Variants in KIF15 observed in about 807,000 individuals in gnomAD.
The protein encoded by KIF15 is kinesin family member 15, also known as kinesin-like protein KIF15.
Under a neutral mutation model 190.6 loss-of-function variants are expected in KIF15, and 140 were observed. That is an observed-to-expected ratio of 0.73 (90% confidence interval 0.64 to 0.84). The LOEUF (loss-of-function observed/expected upper bound fraction) is 0.84, where lower values mean the gene tolerates loss of function less well. KIF15 is among the 40% of genes least tolerant of loss of function. The probability of loss-of-function intolerance (pLI) is 0.00; values close to 1 mark genes in which losing one functional copy is unlikely to be tolerated. For synonymous variants in KIF15, 528 were observed against 551.3 expected (o/e 0.96, Z 0.59); for missense variants, 1,372 against 1,584.4 (o/e 0.87, Z 2.28).
chr3:44,764,151 C>G (rs775990569), intron 1 of KIF15, among the ~76,000 whole-genome samples: 18 of 152,154 alleles, frequency 1.2e-4, no homozygotes, highest in Non-Finnish European at 2.5e-4. Flanking sequence ...GGGCACAAAT[C>G]TTAATATTAT....
chr3:44,834,546 G>T (rs114101152), intron 26 of KIF15, among the ~76,000 whole-genome samples: 1 of 152,146 alleles, frequency 6.6e-6, no homozygotes, highest in African/African-American at 2.4e-5. Context: ...GTGTTAAAAC[G>T]TTAGGAGAGA....
At chr3:44,838,486 G>A (rs1269172486) in intron 27 of KIF15, 65 bp downstream of exon 27, 1 of 1,519,018 alleles carries the variant, frequency 6.6e-7, no homozygotes, top group East Asian at 2.3e-5. Context: ...GCTCACTCCT[G>A]TAATCCCAGC....
At chr3:44,781,386 G>A (rs569891690) in intron 5 of KIF15, among the ~76,000 whole-genome samples, 217 of 152,160 alleles carry the variant, frequency 1.4e-3, no homozygotes, top group Non-Finnish European at 2.4e-3. Flanking sequence ...ATTCACTCAT[G>A]TTGTTGCATG....
chr3:44,768,638 G>C (rs1419756617), intron 1 of KIF15, among the ~76,000 whole-genome samples: 2 of 152,256 alleles, frequency 1.3e-5, no homozygotes, highest in East Asian at 3.9e-4. Context: ...GCTGTCTCCT[G>C]TCTCTATCAT....
At chr3:44,855,323 A>G (rs1699178278), downstream of KIF15, among the ~76,000 whole-genome samples, 1 of 152,198 alleles carries the variant, frequency 6.6e-6, no homozygotes, top group Admixed American at 6.5e-5. Context: ...AAGTACATTG[A>G]TCAGTTAGGG....
intron 3 of KIF15, among the ~76,000 whole-genome samples, chr3:44,777,458 T>C (rs1360446277): frequency 2.0e-5 from 3 of 151,148 alleles, no homozygotes; most frequent in Admixed American, 6.6e-5. Flanking sequence ...CTTTGGGAGG[T>C]GGAGGTGGGC....
chr3:44,825,989 A>C (rs1697616482), intron 20 of KIF15, 50 bp from the exon 21 acceptor site: 1 of 1,476,194 alleles, frequency 6.8e-7, no homozygotes, highest in Non-Finnish European at 9.2e-7. Flanking sequence ...TGATTAATAG[A>C]AATACATTAA....
At chr3:44,808,856 T>C (rs538074499) in intron 16 of KIF15, among the ~76,000 whole-genome samples, 2 of 152,364 alleles carry the variant, frequency 1.3e-5, no homozygotes, top group Non-Finnish European at 2.9e-5. Flanking sequence ...ATTATAGAGC[T>C]TGAAGCACCA....
chr3:44,821,143 T>A (rs1708270289), intron 20 of KIF15, among the ~76,000 whole-genome samples: 2 of 123,592 alleles, frequency 1.6e-5, no homozygotes, highest in African/African-American at 6.5e-5. Context: ...CCCCCCCACC[T>A]CCCTCCCGGA....
At chr3:44,865,195 A>G (rs1239029935) in intron 6 of KIF15, 2 of 1,614,118 alleles carry the variant, frequency 1.2e-6, no homozygotes, top group African/African-American at 1.3e-5. Context: ...ACTTGGCTAG[A>G]CGGACCAGCT....
chr3:44,774,993 G>A (rs2125902681), intron 2 of KIF15, among the ~76,000 whole-genome samples: 1 of 152,212 alleles, frequency 6.6e-6, no homozygotes, highest in Non-Finnish European at 1.5e-5. Context: ...CCAGCTACTT[G>A]GGAGGCTGAG....
intron 6 of KIF15, chr3:44,861,724 T>TA: frequency 1.8e-6 from 1 of 543,914 alleles, no homozygotes. Flanking sequence ...ACAAACCTAC[T>TA]ACAGGTTAGG....
intron 6 of KIF15, chr3:44,864,491 A>T: frequency 1.1e-6 from 1 of 876,324 alleles, no homozygotes; most frequent in South Asian, 1.7e-5. Flanking sequence ...TGAGTGCTCT[A>T]TTCATGGAGC....
intron 6 of KIF15, chr3:44,865,279 C>T: frequency 1.3e-6 from 2 of 1,512,822 alleles, no homozygotes; most frequent in Non-Finnish European, 1.8e-6. Context: ...AGTTGTGCAG[C>T]CTTCTGACCA....
intron 20 of KIF15, among the ~76,000 whole-genome samples, chr3:44,817,963 T>C (rs1310058806): frequency 6.6e-6 from 1 of 152,216 alleles, no homozygotes; most frequent in Non-Finnish European, 1.5e-5. Flanking sequence ...TTCACATCCC[T>C]TGTAAGTTGG....
intron 20 of KIF15, among the ~76,000 whole-genome samples, chr3:44,820,503 C>G (rs1324472353): frequency 6.6e-6 from 1 of 151,634 alleles, no homozygotes; most frequent in Non-Finnish European, 1.5e-5. Flanking sequence ...TGCGGCCTTC[C>G]GCAGTGTTTG....
Position 44,805,961 on chromosome 3 carries a change from A to G in KIF15, c.1946A>G (p.Asn649Ser). 1.2e-6 allele frequency: 2 copies of G among 1,614,106 alleles called. No individual in the cohort carries two copies. Among genetic ancestry groups the G allele is most frequent in the Non-Finnish European group, 1.7e-6 (2 of 1,180,000 alleles). ...ACKRQEVSQL[N>S]KIHAETLKII... is the part of the protein sequence containing the mutation. Reference sequence around the variant, plus strand: ...AAGCGGCAAGAAGTTTCTCAGCTGAATAAAATTCATGCTGAAACACTTAAG... The same window carrying G: ...AAGCGGCAAGAAGTTTCTCAGCTGAGTAAAATTCATGCTGAAACACTTAAG... Residue 649 changes from asparagine to serine, a missense_variant, in exon 16 of 35, where the codon AAT (asparagine) becomes AGT (serine). Physicochemically the swap from Asn to Ser is conservative, Grantham distance 46. Transcript: ENST00000326047.
chr3:44,775,396 A>G lies in KIF15; in HGVS notation c.205A>G (p.Thr69Ala). 1 of 1,613,582 alleles carries G rather than the reference A, an allele frequency of 6.2e-7. No homozygotes were observed. The highest frequency in any genetic ancestry group is 1.1e-5 in the South Asian group (1 of 91,048). The change falls in exon 3 of 35, where the codon ACC becomes GCC. Residue 69 changes from threonine to alanine, a missense_variant. Coordinates refer to ENST00000326047, the MANE Select transcript of KIF15 (RefSeq NM_020242.3). Reference protein sequence around the residue: ...LRLHSNPEPKTFTFDHVADVD... With the variant: ...LRLHSNPEPKAFTFDHVADVD... ...GCTGCACTCCAACCCTGAGCCCAAG[A>G]CCTTCACGTTTGATCATGTTGCAGA...
chr3:44,797,267 A>C lies in KIF15; in HGVS notation c.850-284A>C, dbSNP rs535855858. On this transcript the variant is annotated intron_variant, in intron 8 of 34. Coordinates refer to ENST00000326047, the MANE Select transcript of KIF15 (RefSeq NM_020242.3). ...TGGTATCCAACTCCTGAGCTCAAGC[A>C]ACCTGCCCACCTCGGCCTCCCAAAG... is the stretch of plus-strand genomic sequence containing the variant. Among the ~76,000 whole-genome samples, 3 of 152,180 alleles carry C rather than the reference A, an allele frequency of 2.0e-5. No individual in the cohort carries two copies. In the East Asian group the frequency reaches 5.8e-4, roughly 29 times the overall value.
Sources: gnomAD v4.1 joint callset for allele counts (sites outside exome capture counted in the v4.1 genomes callset) on GRCh38, gnomAD v4.1.1 for gene constraint, MANE v1.5 for transcripts, NCBI Gene and HGNC (gene_info 2026-07-23, HGNC 2026-07-21) for gene names.